Variants in DCHS1 observed in about 807,000 individuals in gnomAD.
DCHS1 encodes dachsous cadherin-related 1.
Under a neutral mutation model 213.9 loss-of-function variants are expected in DCHS1, and 78 were observed. The observed-to-expected ratio is 0.36, with a 90% CI of 0.30 to 0.44. The LOEUF (loss-of-function observed/expected upper bound fraction) is 0.44, where lower values mean the gene tolerates loss of function less well. Ranked by LOEUF, DCHS1 falls within the 20% of genes least tolerant of loss-of-function variation. The pLI is 1.00. For missense variants in DCHS1, 3,946 were observed against 4,395.9 expected (o/e 0.90, Z 2.89); for synonymous variants, 1,828 against 1,873.7 (o/e 0.98, Z 0.63).
Position 6,633,994 on chromosome 11 carries a change from C to A in DCHS1, c.2013G>T (p.Val671=). The change falls in exon 4 of 21, where the codon GTG becomes GTT. Residue 671 remains valine (V), a synonymous_variant. Transcript: ENST00000299441. ...DGGGLKSMVY[V]KVFLSDENDN... ...CATTCTCGTCTGACAGAAACACCTT[C>A]ACATATACCATGGACTTGAGGCCTC... is the stretch of plus-strand genomic sequence containing the variant. 6.2e-7 allele frequency: 1 copy of A among 1,613,996 alleles called. No homozygotes were observed. The highest frequency in any genetic ancestry group is 8.5e-7 in the Non-Finnish European group (1 of 1,179,884).
intron 9 of DCHS1, 94 bp from the exon 10 acceptor site, chr11:6,630,957 T>G (rs1589956298): frequency 6.6e-7 from 1 of 1,515,290 alleles, no homozygotes; most frequent in Non-Finnish European, 8.8e-7. Flanking sequence ...GTGGTCAGAG[T>G]AGCCTGACTG....
rs151278380 is a variant in DCHS1, at chr11:6,632,328, G to A, written c.3184C>T (p.Arg1062Cys). ...AGTATGTACAATTCCTGGGCCTCACGGTCTAGTGCTGCCCGCACCCATAGC... is the reference window on the plus strand; with the variant it reads ...AGTATGTACAATTCCTGGGCCTCACAGTCTAGTGCTGCCCGCACCCATAGC... Reference protein sequence around the residue: ...GWLWVRAALDREAQELYILKV... With the variant: ...GWLWVRAALDCEAQELYILKV... Residue 1062 changes from arginine to cysteine, a missense_variant, in exon 6 of 21, where the codon CGT becomes TGT. By Grantham distance (180) the Arg-to-Cys change is radical. This residue lies in a region of DCHS1 where 3,384 missense variants were observed against 3,780.1 expected (regional missense o/e 0.90). Transcript: ENST00000299441. This position sits in a 1 kb window ranked among gnomAD's most constrained non-coding sequence, Gnocchi z 5.9. 7 of 1,613,912 alleles carry A rather than the reference G, an allele frequency of 4.3e-6. No individual in the cohort carries two copies. Among genetic ancestry groups the A allele is most frequent in the East Asian group, 2.2e-5 (1 of 44,882 alleles).
intron 7 of DCHS1, 95 bp downstream of exon 7, chr11:6,631,521 C>A: frequency 6.3e-7 from 1 of 1,577,352 alleles, no homozygotes; most frequent in South Asian, 1.1e-5. Flanking sequence ...CACACCCAAT[C>A]CAGGAGGCAG....
chr11:6,640,627 T>C lies in DCHS1; in HGVS notation c.987A>G (p.Glu329=), dbSNP rs1264295942. The part of the protein sequence containing the change: ...PLDFEQRRVH[E]LVVQARDGGA... Reference sequence around the variant, plus strand: ...CACCATCTCGTGCTTGCACCACCAGTTCATGGACCCGCCGCTGCTCAAAGT... The same window carrying C: ...CACCATCTCGTGCTTGCACCACCAGCTCATGGACCCGCCGCTGCTCAAAGT... The change falls in exon 2 of 21, where the codon GAA becomes GAG. Residue 329 remains glutamate (E), a synonymous_variant. Coordinates refer to ENST00000299441, the MANE Select transcript of DCHS1 (RefSeq NM_003737.4). This position sits in a 1 kb window ranked among gnomAD's most constrained non-coding sequence, Gnocchi z 6.5. 3 of 1,609,980 alleles carry C rather than the reference T, an allele frequency of 1.9e-6. No individual in the cohort carries two copies. The highest frequency in any genetic ancestry group is 2.5e-6 in the Non-Finnish European group (3 of 1,179,820).
rs763544226 is a variant in DCHS1 at position 6,629,706 on chromosome 11, A to C, written c.5001T>G (p.Ser1667=). 7 of 1,613,676 alleles carry C rather than the reference A, an allele frequency of 4.3e-6. No individual in the cohort carries two copies. The African/African-American group carries it at 9.3e-5, about 22-fold the overall frequency. The part of the protein sequence containing the change: ...LLRENNPPGT[S]LLTLRATDPD... Reference sequence around the variant, plus strand: ...GGTCGGTTGCTCGCAGGGTGAGCAGAGATGTGCCAGGAGGGTTGTTCTCAC... The same window carrying C: ...GGTCGGTTGCTCGCAGGGTGAGCAGCGATGTGCCAGGAGGGTTGTTCTCAC... Residue 1667 remains serine (S), a synonymous_variant, in exon 11 of 21, where the codon TCT becomes TCG. Coordinates refer to ENST00000299441, the MANE Select transcript of DCHS1 (RefSeq NM_003737.4).
In DCHS1 at chr11:6,624,065, C is replaced by A; in HGVS notation, c.7611G>T (p.Leu2537=). The change falls in exon 21 of 21, where the codon CTG becomes CTT. Residue 2537 remains leucine, a synonymous_variant. Transcript: ENST00000299441. The part of the protein sequence containing the change: ...WGRVFQLEPR[L]AEAGESAGPG... ...GTCCAGCACTCTCCCCAGCCTCAGC[C>A]AGCCTGGGTTCCAGCTGGAAGACTC... 1 of 1,613,262 alleles carries A rather than the reference C, an allele frequency of 6.2e-7. No homozygotes were observed. Among genetic ancestry groups the A allele is most frequent in the Non-Finnish European group, 8.5e-7 (1 of 1,179,722 alleles).
In DCHS1 at chr11:6,622,039, C is replaced by T. The variant is rs1393851680; in HGVS notation, c.9637G>A (p.Ala3213Thr). The T allele has an allele frequency of 6.2e-7, 1 of 1,612,482 alleles. No individual in the cohort carries two copies. Among genetic ancestry groups the T allele is most frequent in the South Asian group, 1.1e-5 (1 of 91,024 alleles). ...PLITAVAHPGAKSVPPKPANT... is the reference protein window; with the variant it reads ...PLITAVAHPGTKSVPPKPANT... ...GCTGGCTTGGGGGGCACAGACTTGG[C>T]TCCTGGGTGGGCCACGGCAGTGATG... The change falls in exon 21 of 21, where the codon GCC (alanine) becomes ACC (threonine). Residue 3213 changes from alanine (A) to threonine (T), a missense_variant. Ala to Thr is a moderately conservative substitution (Grantham distance 58). This residue lies in a region of DCHS1 where 554 missense variants were observed against 590.2 expected (regional missense o/e 0.94). Coordinates refer to ENST00000299441, the MANE Select transcript of DCHS1 (RefSeq NM_003737.4). This position sits in a 1 kb window ranked among gnomAD's most constrained non-coding sequence, Gnocchi z 5.4.
At chr11:6,645,789 C>A (rs1856145387) in intron 1 of DCHS1, among the ~76,000 whole-genome samples, 1 of 152,138 alleles carries the variant, frequency 6.6e-6, no homozygotes, top group Admixed American at 6.5e-5. Flanking sequence ...AAAGTCACAG[C>A]CCCATGCACT....
intron 1 of DCHS1, among the ~76,000 whole-genome samples, chr11:6,654,572 C>T (rs569578333): frequency 2.2e-4 from 34 of 152,034 alleles, no homozygotes; most frequent in Admixed American, 3.9e-4. Flanking sequence ...GAGCATTTTC[C>T]GTAGGTGTGT....
intron 1 of DCHS1, among the ~76,000 whole-genome samples, chr11:6,644,265 C>G (rs1024035190): frequency 1.3e-5 from 2 of 152,208 alleles, no homozygotes; most frequent in Non-Finnish European, 1.5e-5. Context: ...TGGACACTAA[C>G]TAGGTATAGA....
At position 6,633,583 on chromosome 11, in the gene DCHS1, C is replaced by T. The variant is rs1163653289; in HGVS notation, c.2284G>A (p.Ala762Thr). ...GCCTGTAGGCCACCTCCGTCCTCAG[C>T]CCCGATCTCCAGCTGCACCACAGAA... is the stretch of plus-strand genomic sequence containing the variant. ...ANSVVQLEIG[A>T]EDGGGLQAEP... Residue 762 changes from alanine to threonine, a missense_variant, in exon 5 of 21, where the codon GCT (alanine) becomes ACT (threonine). This residue lies in a region of DCHS1 where 3,384 missense variants were observed against 3,780.1 expected (regional missense o/e 0.90). Transcript: ENST00000299441. The T allele has an allele frequency of 1.3e-6, 2 of 1,595,154 alleles. No homozygotes were observed. The highest frequency in any genetic ancestry group is 1.7e-6 in the Non-Finnish European group (2 of 1,170,792).
chr11:6,627,868 C>T lies in DCHS1; in HGVS notation c.5372-201G>A, dbSNP rs1408067128. Among the ~76,000 whole-genome samples, 2 of 152,218 alleles carry T rather than the reference C, an allele frequency of 1.3e-5. No homozygotes were observed. The highest frequency in any genetic ancestry group is 2.9e-5 in the Non-Finnish European group (2 of 68,040). ...TGTGTGGTCTGGGAACCCCGGGAGT[C>T]CCCCAAGTCCTTTTCATGTGCATAA... On this transcript the variant is annotated intron_variant, in intron 13 of 20. Transcript: ENST00000299441. This position sits in a 1 kb window ranked among gnomAD's most constrained non-coding sequence, Gnocchi z 5.4.
rs1413299430 is a variant in DCHS1 at position 6,629,792 on chromosome 11, C to T, written c.4915G>A (p.Val1639Ile). 2 of 1,613,572 alleles carry T rather than the reference C, an allele frequency of 1.2e-6. No homozygotes were observed. Among genetic ancestry groups the T allele is most frequent in the South Asian group, 1.1e-5 (1 of 91,090 alleles). ...GGCGCCTCGTCGTTGACGTCAGCGA[C>T]ACTGACGGTCAGGACCTGCGTGGCC... is the stretch of plus-strand genomic sequence containing the variant. Reference protein sequence around the residue: ...RSATQVLTVSVADVNDEAPTF... With the variant: ...RSATQVLTVSIADVNDEAPTF... Residue 1639 changes from valine to isoleucine, a missense_variant, in exon 11 of 21, where the codon GTC (valine) becomes ATC (isoleucine). Val to Ile is a conservative substitution (Grantham distance 29). Coordinates refer to ENST00000299441, the MANE Select transcript of DCHS1 (RefSeq NM_003737.4).
chr11:6,654,678 G>T (rs980920022), intron 1 of DCHS1, among the ~76,000 whole-genome samples: 2 of 152,096 alleles, frequency 1.3e-5, no homozygotes, highest in African/African-American at 4.8e-5. Context: ...GGCTGTGAGG[G>T]TATCTCTTGA....
chr11:6,621,681 G>T lies in DCHS1; in HGVS notation c.*98C>A. 1 of 1,416,344 alleles carries T rather than the reference G, an allele frequency of 7.1e-7. No individual in the cohort carries two copies. The highest frequency in any genetic ancestry group is 9.6e-7 in the Non-Finnish European group (1 of 1,038,232). 87.7% of individuals were successfully genotyped at this position (1,416,344 alleles called of 1,614,324 possible). ...GGGGCCTGGTGGTGGCCTCCCCGTA[G>T]CCAGTCATAGTCCGAGGCTGCCCAG... On this transcript the variant is annotated 3_prime_UTR_variant, in exon 21 of 21. Coordinates refer to ENST00000299441, the MANE Select transcript of DCHS1 (RefSeq NM_003737.4).
Position 6,633,934 on chromosome 11 carries a change from A to T in DCHS1, c.2073T>A (p.Ala691=). 6.2e-7 allele frequency: 1 copy of T among 1,614,032 alleles called. No individual in the cohort carries two copies. Among genetic ancestry groups the T allele is most frequent in the Non-Finnish European group, 8.5e-7 (1 of 1,179,898 alleles). ...GTGGACTCTGGGCACTTATACTGGC[A>T]GCATACTCCCGTGGATAAAACTGAG... is the stretch of plus-strand genomic sequence containing the variant. ...NPPQFYPREY[A]ASISAQSPPG... The change falls in exon 4 of 21, where the codon GCT becomes GCA. Residue 691 remains alanine (A), a synonymous_variant. Transcript: ENST00000299441.
Position 6,625,468 on chromosome 11 carries a change from G to A in DCHS1, c.6876C>T (p.Gly2292=), listed in dbSNP as rs980990604. The A allele has an allele frequency of 2.5e-6, 4 of 1,602,616 alleles. No homozygotes were observed. The highest frequency in any genetic ancestry group is 2.7e-5 in the African/African-American group (2 of 74,328). Residue 2292 remains glycine (G), a synonymous_variant, in exon 19 of 21, where the codon GGC becomes GGT. Transcript: ENST00000299441. The surrounding 1 kb of genome is among the most constrained non-coding windows in gnomAD (Gnocchi z 5.3). Reference sequence around the variant, plus strand: ...TCCCTGTTACCTGTGCAATCTCTGAGCCCAATAACGCATCTGGAATACATG... The same window carrying A: ...TCCCTGTTACCTGTGCAATCTCTGAACCCAATAACGCATCTGGAATACATG... ...ELRVSEDALL[G]SEIAQVTGND...
At position 6,629,569 on chromosome 11, in the gene DCHS1, C is replaced by T; in HGVS notation, c.5044G>A (p.Gly1682Arg). ...RATDPDVGANGQVTYGGVSSE... is the reference protein window; with the variant it reads ...RATDPDVGANRQVTYGGVSSE... ...GAGACGCCTCCATAAGTCACTTGCC[C>T]GTTGGCCCCTGAGGAGGGGCAGCAT... is the stretch of plus-strand genomic sequence containing the variant. The change falls in exon 12 of 21, where the codon GGG (glycine) becomes AGG (arginine). Residue 1682 changes from glycine (G) to arginine (R), a missense_variant. Around this residue, in one of 3 missense-constraint regions of DCHS1, gnomAD observed 3,384 missense variants for 3,780.1 expected, o/e 0.90. Coordinates refer to ENST00000299441, the MANE Select transcript of DCHS1 (RefSeq NM_003737.4). 3 of 1,613,648 alleles carry T rather than the reference C, an allele frequency of 1.9e-6. No homozygotes were observed. Among genetic ancestry groups the T allele is most frequent in the Non-Finnish European group, 1.7e-6 (2 of 1,179,754 alleles).
rs1375380912 is a variant in DCHS1 at position 6,641,458 on chromosome 11, A to T, written c.156T>A (p.Asp52Glu). 1 of 1,596,696 alleles carries T rather than the reference A, an allele frequency of 6.3e-7. No homozygotes were observed. The highest frequency in any genetic ancestry group is 8.5e-7 in the Non-Finnish European group (1 of 1,172,244). ...TCAGTGTACCCGCTGGCTGCTCCTC[A>T]TCAATCTGCAAGTCCAGGCTCCCAG... The part of the protein sequence containing the change: ...GQAGSLDLQI[D>E]EEQPAGTLIG... Residue 52 changes from aspartate (D) to glutamate (E), a missense_variant, in exon 2 of 21, where the codon GAT becomes GAA. Asp to Glu is a conservative substitution (Grantham distance 45). Transcript: ENST00000299441. This position sits in a 1 kb window ranked among gnomAD's most constrained non-coding sequence, Gnocchi z 7.1.
Sources: gnomAD v4.1 joint callset for allele counts (sites outside exome capture counted in the v4.1 genomes callset) on GRCh38, gnomAD v4.1.1 for gene constraint, gnomAD v4.1.1 regional missense constraint, Gnocchi (gnomAD v3.1) non-coding constraint, MANE v1.5 for transcripts, NCBI Gene and HGNC (gene_info 2026-07-23, HGNC 2026-07-21) for gene names.